TRIM2: variants seen among roughly 807,000 people sequenced by gnomAD.
TRIM2 encodes tripartite motif-containing protein 2.
Under a neutral mutation model 75.2 loss-of-function variants are expected in TRIM2, and 20 were observed. The ratio of observed to expected loss-of-function variants is 0.27; its 90% CI spans 0.19 to 0.39. The LOEUF (loss-of-function observed/expected upper bound fraction) is 0.39, where lower values mean the gene tolerates loss of function less well. Among genes scored for constraint, TRIM2 ranks in the 10% least tolerant of loss-of-function variants. TRIM2 has a pLI of 1.00. For synonymous variants in TRIM2, 373 were observed against 388.3 expected (o/e 0.96, Z 0.46); for missense variants, 660 against 990.8 (o/e 0.67, Z 4.48).
intron 10 of TRIM2, among the ~76,000 whole-genome samples, chr4:153,326,995 A>AAAAG (rs1316415617): frequency 1.5e-4 from 23 of 149,574 alleles, no homozygotes; most frequent in African/African-American, 2.7e-4. Flanking sequence ...AAAAAAAAAA[A>AAAAG]AAAGAAAGAA....
chr4:153,299,095 CTTAT>C (rs1286929424), intron 6 of TRIM2, among the ~76,000 whole-genome samples: 1 of 152,102 alleles, frequency 6.6e-6, no homozygotes, highest in African/African-American at 2.4e-5. Flanking sequence ...ACTTATCCCT[CTTAT>C]TTAACTAAAT....
chr4:153,335,167 C>A lies in TRIM2; in HGVS notation c.*201C>A. 7.9e-7 allele frequency: 1 copy of A among 1,263,310 alleles called. No individual in the cohort carries two copies. Among genetic ancestry groups the A allele is most frequent in the Non-Finnish European group, 1.0e-6 (1 of 1,002,920 alleles). The allele number at this position is 1,263,310 out of a possible 1,614,324, so 78.3% of individuals were successfully genotyped here. A position where few individuals can be genotyped will look rare whatever the true frequency, so the allele number is the denominator to read the frequency against. ...ATTTCACCTTTAGGGTTAAAAAAAA[C>A]TCTTCTACTGAATCTATAAAAACTG... On this transcript the variant is annotated 3_prime_UTR_variant, in exon 12 of 12. Transcript: ENST00000338700.
Position 153,295,732 on chromosome 4 carries a change from C to G in TRIM2, c.1206C>G (p.Ser402Arg). 1 of 1,613,912 alleles carries G rather than the reference C, an allele frequency of 6.2e-7. No individual in the cohort carries two copies. The highest frequency in any genetic ancestry group is 8.5e-7 in the Non-Finnish European group (1 of 1,179,920). ...LTAELSTPDG[S>R]VADGEILDNK... Reference sequence around the variant, plus strand: ...CCGAACTGAGCACCCCCGACGGGAGCGTGGCAGACGGGGAGATCCTGGACA... The same window carrying G: ...CCGAACTGAGCACCCCCGACGGGAGGGTGGCAGACGGGGAGATCCTGGACA... Residue 402 changes from serine (S) to arginine (R), a missense_variant, in exon 6 of 12, where the codon AGC becomes AGG. Ser to Arg is a moderately radical substitution (Grantham distance 110). Around this residue, in one of 2 missense-constraint regions of TRIM2, gnomAD observed 620 missense variants for 891.0 expected, o/e 0.70. Transcript: ENST00000338700. This position sits in a 1 kb window ranked among gnomAD's most constrained non-coding sequence, Gnocchi z 7.2.
intron 3 of TRIM2, among the ~76,000 whole-genome samples, chr4:153,281,767 A>G (rs1012256504): frequency 3.9e-4 from 60 of 152,378 alleles, no homozygotes; most frequent in African/African-American, 1.4e-3. Context: ...TACAAAAGAA[A>G]AAGAAAAATA....
At chr4:153,313,029 G>C (rs1196167387) in intron 6 of TRIM2, among the ~76,000 whole-genome samples, 2 of 152,124 alleles carry the variant, frequency 1.3e-5, no homozygotes, top group African/African-American at 4.8e-5. Context: ...AGCAACGTTA[G>C]ACAAACAGAT....
At chr4:153,332,586 AGTGAGCCAT>A (rs1331847177) in intron 11 of TRIM2, among the ~76,000 whole-genome samples, 1 of 152,096 alleles carries the variant, frequency 6.6e-6, no homozygotes, top group African/African-American at 2.4e-5. Context: ...CGGAGGTTGC[AGTGAGCCAT>A]GATCACACCA....
chr4:153,258,432 G>T (rs1752611147), intron 1 of TRIM2, among the ~76,000 whole-genome samples: 1 of 151,854 alleles, frequency 6.6e-6, no homozygotes, highest in African/African-American at 2.4e-5. Flanking sequence ...TTTTGGGTTG[G>T]TCCTTAGGTT....
At chr4:153,279,368 A>G (rs1016087984) in intron 3 of TRIM2, among the ~76,000 whole-genome samples, 3 of 152,250 alleles carry the variant, frequency 2.0e-5, no homozygotes, top group African/African-American at 7.2e-5. Context: ...CATTGTGTAA[A>G]GCAAGTTCCT....
intron 1 of TRIM2, among the ~76,000 whole-genome samples, chr4:153,178,210 CCT>C (rs1385686083): frequency 9.9e-5 from 15 of 152,108 alleles, no homozygotes; most frequent in African/African-American, 3.6e-4. Flanking sequence ...TCAGGCTGGC[CCT>C]GTCTCGTAAT....
chr4:153,206,069 C>T (rs968995076), intron 1 of TRIM2, among the ~76,000 whole-genome samples: 6 of 152,186 alleles, frequency 3.9e-5, no homozygotes, highest in Non-Finnish European at 5.9e-5. Context: ...CCAGGCCCAC[C>T]GCAGGCCTCA....
Position 153,188,749 on chromosome 4 carries a change from C to CA in TRIM2, c.-49+35492dup, listed in dbSNP as rs78429668. On this transcript the variant is annotated intron_variant, in intron 1 of 11. Transcript: ENST00000437508. ...TTTGAGACCGGCCTTTCCCTGAAAA[C>CA]AAAAAAAAAAAAAGGAAGGATGAGG... Among the ~76,000 whole-genome samples the CA allele has an allele frequency of 1.1e-3, 137 of 125,452 alleles. No homozygotes were observed. In the Middle Eastern group the frequency reaches 0.02, roughly 19 times the overall value. The allele number at this position is 125,452 out of a possible 152,430, so 82.3% of individuals were successfully genotyped here.
At chr4:153,214,021 G>A (rs1451599768) in intron 1 of TRIM2, among the ~76,000 whole-genome samples, 3 of 152,030 alleles carry the variant, frequency 2.0e-5, no homozygotes, top group Non-Finnish European at 2.9e-5. Context: ...GGATGGGCTG[G>A]CATTGAAACC....
At chr4:153,317,358 GATCT>G (rs1408721822) in intron 8 of TRIM2, among the ~76,000 whole-genome samples, 1 of 151,668 alleles carries the variant, frequency 6.6e-6, no homozygotes, top group Non-Finnish European at 1.5e-5. Flanking sequence ...ATTTAAAAAA[GATCT>G]ATCTTGGCCA....
Position 153,337,523 on chromosome 4 carries a change from T to C in TRIM2, c.*2557T>C. On this transcript the variant is annotated 3_prime_UTR_variant, in exon 12 of 12. Transcript: ENST00000338700. Reference sequence around the variant, plus strand: ...AACACTATATTTTTTCCAAAAAATATGTGATTATATATGTTAAAGTATAGA... The same window carrying C: ...AACACTATATTTTTTCCAAAAAATACGTGATTATATATGTTAAAGTATAGA... 3 of 985,822 alleles carry C rather than the reference T, an allele frequency of 3.0e-6. No individual in the cohort carries two copies. In the South Asian group the frequency reaches 1.4e-4, roughly 46 times the overall value. 61.1% of individuals were successfully genotyped at this position (985,822 alleles called of 1,614,324 possible).
chr4:153,231,722 G>A (rs150509213), intron 1 of TRIM2, among the ~76,000 whole-genome samples: 2 of 152,122 alleles, frequency 1.3e-5, no homozygotes, highest in African/African-American at 2.4e-5. Context: ...GCTGTCCCAC[G>A]CTTCCCTTGG....
At chr4:153,325,432 G>A (rs1363848069) in intron 10 of TRIM2, among the ~76,000 whole-genome samples, 1 of 152,164 alleles carries the variant, frequency 6.6e-6, no homozygotes, top group East Asian at 1.9e-4. Context: ...TACTGTCCAT[G>A]GGAAGTGTCT....
At chr4:153,282,963 TTAA>T (rs1221175459) in intron 3 of TRIM2, among the ~76,000 whole-genome samples, 6 of 151,778 alleles carry the variant, frequency 4.0e-5, no homozygotes. Flanking sequence ...AATTTTTTTT[TTAA>T]GAGATAGGTT....
chr4:153,199,752 T>C (rs1734133776), upstream of TRIM2, among the ~76,000 whole-genome samples: 1 of 152,108 alleles, frequency 6.6e-6, no homozygotes, highest in Admixed American at 6.6e-5. Flanking sequence ...ATAAATCCTC[T>C]TTTTATTTAT....
intron 1 of TRIM2, among the ~76,000 whole-genome samples, chr4:153,256,766 TG>T (rs1157071473): frequency 6.6e-6 from 1 of 152,240 alleles, no homozygotes; most frequent in Non-Finnish European, 1.5e-5. Context: ...ATGTACCATA[TG>T]ATTTTTCTCT....
Sources: allele counts gnomAD v4.1 joint callset (sites outside exome capture counted in the v4.1 genomes callset), GRCh38; gene constraint gnomAD v4.1.1; regional missense constraint gnomAD v4.1.1; non-coding constraint Gnocchi (gnomAD v3.1); transcripts MANE v1.5; gene names NCBI Gene and HGNC (gene_info 2026-07-23, HGNC 2026-07-21).